The following LDB2 variants were observed in gnomAD, a reference collection of about 807,000 sequenced individuals.
The protein encoded by LDB2 is LIM domain-binding protein 2.
LDB2 carries 12 observed loss-of-function variants against 44.3 expected under a neutral mutation model. The ratio of observed to expected loss-of-function variants is 0.27; its 90% CI spans 0.17 to 0.44. The LOEUF (loss-of-function observed/expected upper bound fraction) is 0.44, where lower values mean the gene tolerates loss of function less well. Ranked by LOEUF, LDB2 falls within the 20% of genes least tolerant of loss-of-function variation. The pLI, the probability that LDB2 is intolerant of heterozygous loss-of-function variation, is 1.00. For missense variants in LDB2, 344 were observed against 473.5 expected, an observed-to-expected ratio of 0.73 and a Z score of 2.54; for synonymous variants, 164 against 174.8, an observed-to-expected ratio of 0.94 and a Z score of 0.49.
chr4:16,520,681 G>T (rs773659077), intron 5 of LDB2, among the ~76,000 whole-genome samples: 9 of 152,154 alleles, frequency 5.9e-5, no homozygotes, highest in Non-Finnish European at 1.0e-4. Context: ...GTCTTGAAGG[G>T]ACCATCCTTC....
At chr4:16,513,198 G>C (rs1722461797) in intron 5 of LDB2, among the ~76,000 whole-genome samples, 1 of 152,054 alleles carries the variant, frequency 6.6e-6, no homozygotes, top group Non-Finnish European at 1.5e-5. Flanking sequence ...TCTGAGCCTT[G>C]ATATCTCTGA....
intron 2 of LDB2, among the ~76,000 whole-genome samples, chr4:16,636,018 G>C (rs970869133): frequency 2.4e-4 from 37 of 152,164 alleles, no homozygotes; most frequent in African/African-American, 8.7e-4. Flanking sequence ...AATAGAGATT[G>C]ATTATATAAG....
intron 2 of LDB2, among the ~76,000 whole-genome samples, chr4:16,604,996 C>T (rs1454709955): frequency 2.0e-5 from 3 of 152,078 alleles, no homozygotes; most frequent in African/African-American, 7.2e-5. Context: ...AAGATAAGGC[C>T]AGCAAAAGGT....
intron 1 of LDB2, among the ~76,000 whole-genome samples, chr4:16,774,835 T>G (rs1052014632): frequency 6.6e-6 from 1 of 152,218 alleles, no homozygotes; most frequent in Non-Finnish European, 1.5e-5. Flanking sequence ...CATACATGCA[T>G]GCATAAATGC....
chr4:16,605,331 A>G (rs1229135078), intron 2 of LDB2, among the ~76,000 whole-genome samples: 1 of 152,210 alleles, frequency 6.6e-6, no homozygotes, highest in Non-Finnish European at 1.5e-5. Context: ...CAGAGAAGTA[A>G]AACTACATAG....
chr4:16,570,356 G>A (rs991112319), intron 5 of LDB2, among the ~76,000 whole-genome samples: 5 of 150,200 alleles, frequency 3.3e-5, no homozygotes, highest in African/African-American at 1.2e-4. Context: ...CCAGCTACTG[G>A]GGAGGCTGAG....
intron 5 of LDB2, among the ~76,000 whole-genome samples, chr4:16,536,139 G>A (rs1386776521): frequency 6.6e-6 from 1 of 152,182 alleles, no homozygotes; most frequent in East Asian, 1.9e-4. Context: ...CCTCTCCCCA[G>A]TCACTAACTT....
intron 5 of LDB2, among the ~76,000 whole-genome samples, chr4:16,558,261 C>A (rs192875109): frequency 3.3e-5 from 5 of 152,034 alleles, no homozygotes; most frequent in Non-Finnish European, 7.4e-5. Context: ...CAAACTACTA[C>A]GAGCTACAGG....
At chr4:16,676,443 C>T (rs542891601) in intron 2 of LDB2, among the ~76,000 whole-genome samples, 2 of 152,336 alleles carry the variant, frequency 1.3e-5, no homozygotes, top group African/African-American at 4.8e-5. Flanking sequence ...TCGCCAAGAT[C>T]ACGGAACACC....
chr4:16,860,616 G>A (rs1251472682), intron 1 of LDB2, among the ~76,000 whole-genome samples: 1 of 152,166 alleles, frequency 6.6e-6, no homozygotes, highest in Non-Finnish European at 1.5e-5. Context: ...TCAGAATAGA[G>A]GTGGACTGAA....
chr4:16,574,747 A>G (rs1747735397), intron 5 of LDB2, among the ~76,000 whole-genome samples: 1 of 152,214 alleles, frequency 6.6e-6, no homozygotes, highest in Admixed American at 6.5e-5. Flanking sequence ...ACTGGCATTT[A>G]TTATGCTTCT....
At chr4:16,699,825 G>T (rs157484) in intron 2 of LDB2, among the ~76,000 whole-genome samples, 52,800 of 151,982 alleles carry the variant, frequency 0.35, 10,112 homozygotes, top group East Asian at 0.66. Context: ...TCAGAGGGAC[G>T]AGAATTCCCA....
At chr4:16,550,199 C>T (rs1175646946) in intron 5 of LDB2, among the ~76,000 whole-genome samples, 1 of 152,224 alleles carries the variant, frequency 6.6e-6, no homozygotes, top group Admixed American at 6.5e-5. Context: ...CCTCTTCATT[C>T]TGAATTCTGT....
At chr4:16,583,064 C>G (rs1407570026) in intron 5 of LDB2, among the ~76,000 whole-genome samples, 2 of 152,222 alleles carry the variant, frequency 1.3e-5, no homozygotes, top group Non-Finnish European at 2.9e-5. Context: ...GCTCGGCCAT[C>G]CTCAGGGTCT....
At chr4:16,737,845 G>C (rs1363715899) in intron 2 of LDB2, among the ~76,000 whole-genome samples, 1 of 152,072 alleles carries the variant, frequency 6.6e-6, no homozygotes, top group Non-Finnish European at 1.5e-5. Context: ...TTGTTTTTCT[G>C]TGTTTTAAGA....
chr4:16,858,779 A>G (rs1407793429), intron 1 of LDB2, among the ~76,000 whole-genome samples: 2 of 152,166 alleles, frequency 1.3e-5, no homozygotes, highest in East Asian at 1.9e-4. Flanking sequence ...TCCTTTTTCC[A>G]TCCTGGACCT....
intron 2 of LDB2, among the ~76,000 whole-genome samples, chr4:16,651,631 A>G (rs999323958): frequency 6.6e-6 from 1 of 151,904 alleles, no homozygotes; most frequent in Non-Finnish European, 1.5e-5. Context: ...TGGAAGCTAT[A>G]GAGTTTTACC....
At chr4:16,898,209 G>A in intron 1 of LDB2, 145 bp downstream of exon 1, 3 of 731,552 alleles carry the variant, frequency 4.1e-6, no homozygotes, top group Non-Finnish European at 6.5e-6. Context: ...GTCCAAACTC[G>A]TGGATTCATC....
chr4:16,806,879 G>T (rs150261), intron 1 of LDB2, among the ~76,000 whole-genome samples: 119,017 of 152,094 alleles, frequency 0.78, 48,808 homozygotes, highest in Middle Eastern at 0.93. Flanking sequence ...ACACAATAGT[G>T]CTAATAACAC....
Sources: allele counts gnomAD v4.1 joint callset (sites outside exome capture counted in the v4.1 genomes callset), GRCh38; gene constraint gnomAD v4.1.1; transcripts MANE v1.5; gene names NCBI Gene and HGNC (gene_info 2026-07-23, HGNC 2026-07-21).